DGKI: variants seen among roughly 807,000 people sequenced by gnomAD.
The protein encoded by DGKI is diacylglycerol kinase iota.
Under a neutral mutation model 147.5 loss-of-function variants are expected in DGKI, and 55 were observed. The ratio of observed to expected loss-of-function variants is 0.37; its 90% CI spans 0.30 to 0.47. The LOEUF is 0.47. DGKI is among the 20% of genes least tolerant of loss of function. The pLI is 1.00. For synonymous variants in DGKI, 469 were observed against 477.1 expected (o/e 0.98, Z 0.22); for missense variants, 1,007 against 1,323.8 (o/e 0.76, Z 3.71).
chr7:137,558,840 C>T (rs532678018), intron 19 of DGKI, among the ~76,000 whole-genome samples: 1 of 114,066 alleles, frequency 8.8e-6, no homozygotes, highest in Non-Finnish European at 1.7e-5. Context: ...TGAGCCACTG[C>T]GCCCAGCCCA....
intron 21 of DGKI, among the ~76,000 whole-genome samples, chr7:137,513,472 C>T (rs1004734275): frequency 1.4e-4 from 21 of 152,298 alleles, no homozygotes; most frequent in Admixed American, 7.2e-4. Context: ...CTTTTATAGT[C>T]ATCATCCCAT....
chr7:137,575,030 A>C (rs1303068184), intron 17 of DGKI, among the ~76,000 whole-genome samples: 1 of 152,170 alleles, frequency 6.6e-6, no homozygotes, highest in Non-Finnish European at 1.5e-5. Flanking sequence ...TGTCATTGCA[A>C]AAGTATCCTT....
At chr7:137,551,759 C>A (rs1409869653) in intron 20 of DGKI, among the ~76,000 whole-genome samples, 1 of 152,072 alleles carries the variant, frequency 6.6e-6, no homozygotes, top group African/African-American at 2.4e-5. Context: ...GGTGGGATAC[C>A]ATGTGTTCAG....
intron 1 of DGKI, among the ~76,000 whole-genome samples, chr7:137,825,399 G>T (rs1312287180): frequency 6.6e-6 from 1 of 152,094 alleles, no homozygotes; most frequent in Non-Finnish European, 1.5e-5. Context: ...AAGCATGGTG[G>T]TGGTGACAGC....
At chr7:137,796,490 A>G (rs978116933) in intron 1 of DGKI, among the ~76,000 whole-genome samples, 3 of 151,694 alleles carry the variant, frequency 2.0e-5, no homozygotes, top group Non-Finnish European at 2.9e-5. Context: ...ACAGAGCAAA[A>G]CTCCATTTAA....
chr7:137,572,560 T>A lies in DGKI; in HGVS notation c.1835+205A>T, dbSNP rs151073795. On this transcript the variant is annotated intron_variant, in intron 18 of 32. Transcript: ENST00000614521. ...AAGATGGGTAAGTACAGACAATGCA[T>A]GCCACATGACGCACAAAACCACCAA... Among the ~76,000 whole-genome samples the A allele has an allele frequency of 6.3e-3, 963 of 152,250 alleles. 14 individuals carry two copies. The highest frequency in any genetic ancestry group is 0.022 in the African/African-American group (907 of 41,546).
chr7:137,696,426 A>C (rs887532675), intron 1 of DGKI, among the ~76,000 whole-genome samples: 1 of 148,042 alleles, frequency 6.8e-6, no homozygotes, highest in Admixed American at 6.9e-5. Context: ...GCAATGCCCA[A>C]AAGACTTTTT....
intron 21 of DGKI, among the ~76,000 whole-genome samples, chr7:137,507,653 T>C (rs186464430): frequency 3.3e-5 from 5 of 152,172 alleles, no homozygotes; most frequent in Non-Finnish European, 5.9e-5. Flanking sequence ...AGCAAACGGG[T>C]TTTAAGGACT....
intron 20 of DGKI, among the ~76,000 whole-genome samples, chr7:137,532,509 C>T (rs1563071876): frequency 6.6e-6 from 1 of 152,104 alleles, no homozygotes; most frequent in African/African-American, 2.4e-5. Context: ...GACAGGTTGA[C>T]AATTGCTTGC....
chr7:137,641,345 A>T (rs1335647866), intron 6 of DGKI, among the ~76,000 whole-genome samples: 1 of 152,194 alleles, frequency 6.6e-6, no homozygotes, highest in Non-Finnish European at 1.5e-5. Flanking sequence ...TAAAAAATGT[A>T]GACAAAGTTT....
intron 28 of DGKI, among the ~76,000 whole-genome samples, chr7:137,427,623 G>T (rs1281680158): frequency 6.6e-6 from 1 of 152,042 alleles, no homozygotes. Context: ...CTGGTTTTTT[G>T]AAAGGATCAA....
In DGKI at chr7:137,569,453, G is replaced by A. The variant is rs1420326690; in HGVS notation, c.1947+1722C>T. ...CCTCCAAGAATTCTTCCCTGGCCGGGTGCGGTGGCTCACGCCTGTAATCCC... is the reference window on the plus strand; with the variant it reads ...CCTCCAAGAATTCTTCCCTGGCCGGATGCGGTGGCTCACGCCTGTAATCCC... On this transcript the variant is annotated intron_variant, in intron 19 of 32. Coordinates refer to ENST00000614521, the MANE Select transcript of DGKI (RefSeq NM_001321708.2). Among the ~76,000 whole-genome samples the A allele has an allele frequency of 5.9e-5, 9 of 152,058 alleles. No homozygotes were observed. In the East Asian group the frequency reaches 1.7e-3, roughly 30 times the overall value.
chr7:137,596,001 C>CAAAAAAAAAAAAA (rs71177914), intron 12 of DGKI, among the ~76,000 whole-genome samples: 116 of 44,426 alleles, frequency 2.6e-3, no homozygotes, highest in Admixed American at 3.9e-3. Flanking sequence ...GACTCCGTCT[C>CAAAAAAAAAAAAA]AAAAAAAAAA....
chr7:137,425,933 T>C (rs1466967617), intron 28 of DGKI, among the ~76,000 whole-genome samples: 1 of 152,148 alleles, frequency 6.6e-6, no homozygotes, highest in Non-Finnish European at 1.5e-5. Flanking sequence ...TTGGTGTATC[T>C]GAAAGTGACG....
At chr7:137,483,754 T>G (rs1400637392) in intron 23 of DGKI, among the ~76,000 whole-genome samples, 1 of 152,128 alleles carries the variant, frequency 6.6e-6, no homozygotes, top group Non-Finnish European at 1.5e-5. Flanking sequence ...GCTCCATCCA[T>G]GTCAGTGCAA....
In DGKI at chr7:137,466,798, T is replaced by C. The variant is rs1349647489; in HGVS notation, c.2484+104A>G. 5.2e-6 allele frequency: 6 copies of C among 1,148,112 alleles called. No homozygotes were observed. The Admixed American group carries it at 9.1e-5, about 17-fold the overall frequency. 71.1% of individuals were successfully genotyped at this position (1,148,112 alleles called of 1,614,324 possible). A position where few individuals can be genotyped will look rare whatever the true frequency, so the allele number is the denominator to read the frequency against. ...GTTATGAACACCATTCCAAAATTTGTGTCTCAGTGGTTTTCGTTAGAAAAA... is the reference window on the plus strand; with the variant it reads ...GTTATGAACACCATTCCAAAATTTGCGTCTCAGTGGTTTTCGTTAGAAAAA... On this transcript the variant is annotated intron_variant, in intron 25 of 32. Transcript: ENST00000614521.
At chr7:137,436,907 C>G (rs145279685) in intron 28 of DGKI, among the ~76,000 whole-genome samples, 33 of 152,202 alleles carry the variant, frequency 2.2e-4, no homozygotes, top group African/African-American at 7.7e-4. Flanking sequence ...ATTGTCATCT[C>G]TCAAGATGAA....
intron 28 of DGKI, among the ~76,000 whole-genome samples, chr7:137,425,854 G>A (rs1190802079): frequency 6.6e-6 from 1 of 152,042 alleles, no homozygotes; most frequent in Admixed American, 6.6e-5. Context: ...AGAGAAAAAA[G>A]AATAAAAAGA....
chr7:137,721,560 C>T (rs538225446), intron 1 of DGKI, among the ~76,000 whole-genome samples: 11 of 152,310 alleles, frequency 7.2e-5, no homozygotes, highest in South Asian at 2.1e-4. Context: ...ACCTTCCTAA[C>T]GGTCTCCCTG....
Sources: gnomAD v4.1 joint callset for allele counts (sites outside exome capture counted in the v4.1 genomes callset) on GRCh38, gnomAD v4.1.1 for gene constraint, MANE v1.5 for transcripts, NCBI Gene and HGNC (gene_info 2026-07-23, HGNC 2026-07-21) for gene names.